RELN: variants seen among roughly 807,000 people sequenced by gnomAD.
The protein encoded by RELN is reelin.
Under a neutral mutation model 427.6 loss-of-function variants are expected in RELN, and 108 were observed. The ratio of observed to expected loss-of-function variants is 0.25; its 90% CI spans 0.22 to 0.30. The LOEUF is 0.30. Ranked by LOEUF, RELN falls within the 10% of genes least tolerant of loss-of-function variation. The pLI is 1.00. For missense variants in RELN, 3,715 were observed against 4,302.8 expected (o/e 0.86, Z 3.82); for synonymous variants, 1,524 against 1,513.4 (o/e 1.01, Z -0.16).
At chr7:103,544,639 C>T (rs1830250358) in intron 42 of RELN, among the ~76,000 whole-genome samples, 1 of 152,078 alleles carries the variant, frequency 6.6e-6, no homozygotes, top group Admixed American at 6.5e-5. Flanking sequence ...AATTTAAATG[C>T]TTTTTTCTAA....
chr7:103,780,541 TC>T (rs948291029), intron 3 of RELN, among the ~76,000 whole-genome samples: 81 of 152,294 alleles, frequency 5.3e-4, no homozygotes, highest in Admixed American at 1.8e-3. Context: ...CCTGATCTTC[TC>T]CCTACTCCCA....
chr7:103,934,343 C>A (rs144203519), intron 1 of RELN, among the ~76,000 whole-genome samples: 1 of 152,144 alleles, frequency 6.6e-6, no homozygotes, highest in Non-Finnish European at 1.5e-5. Flanking sequence ...GCCTGCCAGA[C>A]ACATTATTTC....
At chr7:103,608,677 T>C (rs1831874856) in intron 22 of RELN, among the ~76,000 whole-genome samples, 1 of 152,184 alleles carries the variant, frequency 6.6e-6, no homozygotes, top group African/African-American at 2.4e-5. Context: ...ATTTAAACGC[T>C]TATGGGTTAA....
At chr7:103,763,992 C>T (rs1323433164) in intron 4 of RELN, among the ~76,000 whole-genome samples, 1 of 152,138 alleles carries the variant, frequency 6.6e-6, no homozygotes, top group Non-Finnish European at 1.5e-5. Context: ...TGGATGACCA[C>T]AAGGAATAAG....
intron 2 of RELN, among the ~76,000 whole-genome samples, chr7:103,834,237 A>C (rs1363989369): frequency 6.6e-6 from 1 of 152,176 alleles, no homozygotes; most frequent in African/African-American, 2.4e-5. Flanking sequence ...TTGCTGTTTT[A>C]ATCTCAGAGA....
rs1266866508 is a variant in RELN, at chr7:103,472,334, G to A, written c.*478C>T. On this transcript the variant is annotated 3_prime_UTR_variant, in exon 65 of 65. Coordinates refer to ENST00000428762, the MANE Select transcript of RELN (RefSeq NM_005045.4). ...TATTACAACATAACAAGTAAATACA[G>A]TTTCAATGTGTTGTATTGTAGAAGA... 1 of 175,220 alleles carries A rather than the reference G, an allele frequency of 5.7e-6. No individual in the cohort carries two copies. The allele number at this position is 175,220 out of a possible 1,614,324, so 10.9% of individuals were successfully genotyped here.
At chr7:103,826,540 C>G (rs1006920804) in intron 3 of RELN, among the ~76,000 whole-genome samples, 1 of 152,018 alleles carries the variant, frequency 6.6e-6, no homozygotes, top group African/African-American at 2.4e-5. Flanking sequence ...AATAACTACA[C>G]TGGCAAACCA....
chr7:103,630,182 G>GAAA lies in RELN; in HGVS notation c.2466-9_2466-7dup. 4.0e-6 allele frequency: 5 copies of GAAA among 1,262,604 alleles called. No individual in the cohort carries two copies. The highest frequency in any genetic ancestry group is 4.3e-6 in the Non-Finnish European group (4 of 928,108). The allele number at this position is 1,262,604 out of a possible 1,614,324, so 78.2% of individuals were successfully genotyped here. On this transcript the variant is annotated splice_region_variant and splice_polypyrimidine_tract_variant and intron_variant, in intron 19 of 64. Transcript: ENST00000428762. ...GTAGTTCTACGGAGATTATTCTAGA[G>GAAA]AAAAAAAAAAAGTCAAAATTTAGAT...
chr7:103,730,517 G>T (rs1299341771), intron 6 of RELN, among the ~76,000 whole-genome samples: 1 of 151,418 alleles, frequency 6.6e-6, no homozygotes, highest in Non-Finnish European at 1.5e-5. Context: ...CAAGACAAAA[G>T]AAAACAGATA....
chr7:103,913,285 A>G (rs1470939916), intron 2 of RELN, among the ~76,000 whole-genome samples: 1 of 152,204 alleles, frequency 6.6e-6, no homozygotes, highest in Non-Finnish European at 1.5e-5. Context: ...TACAATTAAA[A>G]TAACTACTAC....
intron 1 of RELN, among the ~76,000 whole-genome samples, chr7:103,921,844 T>C (rs1412826689): frequency 8.8e-6 from 1 of 114,132 alleles, no homozygotes; most frequent in Non-Finnish European, 1.5e-5. Flanking sequence ...GCCTCTGCTC[T>C]TACCTAGAAT....
intron 25 of RELN, 101 bp from the exon 26 acceptor site, chr7:103,594,593 T>C: frequency 3.1e-6 from 4 of 1,283,218 alleles, no homozygotes; most frequent in Non-Finnish European, 4.5e-6. Flanking sequence ...AAAAGTTTTG[T>C]TTGGTTTGAT....
intron 1 of RELN, among the ~76,000 whole-genome samples, chr7:103,927,828 T>A (rs1362008917): frequency 1.3e-5 from 2 of 152,170 alleles, no homozygotes; most frequent in African/African-American, 4.8e-5. Context: ...TACCAGGAGA[T>A]GTCTTGAGGC....
At chr7:103,490,152 A>C (rs1828599540) in intron 59 of RELN, among the ~76,000 whole-genome samples, 1 of 152,150 alleles carries the variant, frequency 6.6e-6, no homozygotes, top group East Asian at 1.9e-4. Flanking sequence ...GTCCATAATA[A>C]ATCTGTGTAC....
chr7:103,523,117 C>G (rs1263080689), intron 47 of RELN, among the ~76,000 whole-genome samples: 2 of 152,076 alleles, frequency 1.3e-5, no homozygotes, highest in Admixed American at 6.6e-5. Flanking sequence ...TTTCAAGGCT[C>G]GAGTGTATCA....
intron 6 of RELN, 46 bp from the exon 7 acceptor site, chr7:103,728,253 C>G: frequency 6.4e-7 from 1 of 1,568,204 alleles, no homozygotes; most frequent in East Asian, 2.2e-5. Context: ...CTAAGTAGCA[C>G]ACGTGGTTTA....
In RELN at chr7:103,603,404, C is replaced by A; in HGVS notation, c.3233G>T (p.Gly1078Val). 1 of 1,613,878 alleles carries A rather than the reference C, an allele frequency of 6.2e-7. No homozygotes were observed. ...AACTTCTTGCCAGTCAGACTCCCAG[C>A]CATTCTGGTTCTCAAAATCTGACAT... ...TIMSDFENQN[G>V]WESDWQEVIG... The change falls in exon 24 of 65, where the codon GGC becomes GTC. Residue 1078 changes from glycine to valine, a missense_variant. Around this residue, in one of 4 missense-constraint regions of RELN, gnomAD observed 2,208 missense variants for 2,361.7 expected, o/e 0.93. Coordinates refer to ENST00000428762, the MANE Select transcript of RELN (RefSeq NM_005045.4). This position sits in a 1 kb window ranked among gnomAD's most constrained non-coding sequence, Gnocchi z 4.3.
chr7:103,949,394 C>A (rs796876064), intron 1 of RELN, among the ~76,000 whole-genome samples: 26 of 142,466 alleles, frequency 1.8e-4, no homozygotes, highest in South Asian at 6.8e-4. Context: ...AAAAAAAAAA[C>A]AATCTTAATC....
At chr7:103,749,979 T>C (rs1053163339) in intron 5 of RELN, among the ~76,000 whole-genome samples, 47 of 150,368 alleles carry the variant, frequency 3.1e-4, no homozygotes, top group African/African-American at 1.1e-3. Flanking sequence ...TGAGATTTGA[T>C]GGTTTTTTTT....
Sources: gnomAD v4.1 joint callset for allele counts (sites outside exome capture counted in the v4.1 genomes callset) on GRCh38, gnomAD v4.1.1 for gene constraint, gnomAD v4.1.1 regional missense constraint, Gnocchi (gnomAD v3.1) non-coding constraint, MANE v1.5 for transcripts, NCBI Gene and HGNC (gene_info 2026-07-23, HGNC 2026-07-21) for gene names.